The following ZNF169 variants were observed in gnomAD, a reference collection of about 807,000 sequenced individuals.
ZNF169 encodes zinc finger protein 169.
In ZNF169, 11 loss-of-function variants were observed where a neutral mutation model predicts 12.0. The ratio of observed to expected loss-of-function variants is 0.92; its 90% CI spans 0.58 to 1.52. ZNF169 has a LOEUF of 1.52. Ranked by LOEUF, ZNF169 falls within the 40% of genes most tolerant of loss-of-function variation. The pLI is 0.00. For missense variants in ZNF169, 722 were observed against 744.0 expected, an observed-to-expected ratio of 0.97 and a Z score of 0.34; for synonymous variants, 302 against 286.5, an observed-to-expected ratio of 1.05 and a Z score of -0.55.
At chr9:94,289,431 G>A (rs1037188548) in intron 2 of ZNF169, among the ~76,000 whole-genome samples, 2 of 151,998 alleles carry the variant, frequency 1.3e-5, no homozygotes, top group African/African-American at 2.4e-5. Flanking sequence ...CTGGTAAAAC[G>A]ATGACACCAG....
intron 1 of ZNF169, among the ~76,000 whole-genome samples, chr9:94,276,946 G>A (rs1303894314): frequency 2.6e-5 from 4 of 152,096 alleles, no homozygotes; most frequent in Non-Finnish European, 5.9e-5. Flanking sequence ...GATTTATTGT[G>A]AGCCAAATAT....
At chr9:94,284,557 A>G (rs1041689025) in intron 2 of ZNF169, among the ~76,000 whole-genome samples, 3 of 152,232 alleles carry the variant, frequency 2.0e-5, no homozygotes, top group African/African-American at 7.2e-5. Flanking sequence ...CCAAAGTTGC[A>G]GGATACAAAG....
At position 94,283,027 on chromosome 9, in the gene ZNF169, C is replaced by T. The variant is rs77019217; in HGVS notation, c.33+4182C>T. Among the ~76,000 whole-genome samples, 214 of 152,262 alleles carry T rather than the reference C, an allele frequency of 1.4e-3. 1 individual carries two copies. Among genetic ancestry groups the T allele is most frequent in the East Asian group, 6.6e-3 (34 of 5,182 alleles). ...CCAGCCCCTGGCAACCACTGATCTGCGTTTTTGTCCTATGGATTTACCTCT... is the reference window on the plus strand; with the variant it reads ...CCAGCCCCTGGCAACCACTGATCTGTGTTTTTGTCCTATGGATTTACCTCT... On this transcript the variant is annotated intron_variant, in intron 2 of 4. Transcript: ENST00000395395.
chr9:94,280,562 T>C (rs1971396), intron 2 of ZNF169, among the ~76,000 whole-genome samples: 86,329 of 151,986 alleles, frequency 0.57, 24,613 homozygotes, highest in Middle Eastern at 0.64. Flanking sequence ...AGAAACAGCA[T>C]TCAAACATAA....
At chr9:94,297,893 G>A (rs962870565) in intron 4 of ZNF169, among the ~76,000 whole-genome samples, 7 of 152,144 alleles carry the variant, frequency 4.6e-5, no homozygotes, top group African/African-American at 1.7e-4. Flanking sequence ...GGGGCTGGGC[G>A]CGGTGGCTCA....
At position 94,267,737 on chromosome 9, in the gene ZNF169, C is replaced by T. The variant is rs377745574; in HGVS notation, c.-56+8392C>T. Among the ~76,000 whole-genome samples, 17 of 152,256 alleles carry T rather than the reference C, an allele frequency of 1.1e-4. No individual in the cohort carries two copies. In the East Asian group the frequency reaches 1.7e-3, roughly 16 times the overall value. On this transcript the variant is annotated intron_variant, in intron 1 of 4. Transcript: ENST00000395395. ...TCCTGTTGTGCTTGATATTAATGAA[C>T]ATTTTAGCTCTTCACGAGTCCTGAA...
At chr9:94,289,228 A>G (rs770175026) in intron 2 of ZNF169, among the ~76,000 whole-genome samples, 1 of 151,350 alleles carries the variant, frequency 6.6e-6, no homozygotes, top group Admixed American at 6.6e-5. Flanking sequence ...GTAAGACCCC[A>G]TCTGTTAAAA....
In ZNF169 at chr9:94,301,242, C is replaced by G. The variant is rs201612360; in HGVS notation, c.1684C>G (p.Arg562Gly). Residue 562 changes from arginine (R) to glycine (G), a missense_variant, in exon 5 of 5, where the codon CGG (arginine) becomes GGG (glycine). Transcript: ENST00000395395. ...GFKSALIRHQ[R>G]THSGEKPYVC... ...TAAGTCTGCCCTCATCCGACATCAG[C>G]GGACCCATTCTGGGGAGAAGCCGTA... is the stretch of plus-strand genomic sequence containing the variant. The G allele has an allele frequency of 6.2e-6, 10 of 1,607,244 alleles. No individual in the cohort carries two copies. In the Admixed American group the frequency reaches 1.7e-4, roughly 27 times the overall value.
At chr9:94,288,013 A>T (rs3131906) in intron 2 of ZNF169, 2 of 787,590 alleles carry the variant, frequency 2.5e-6, no homozygotes, top group Non-Finnish European at 4.6e-6. Context: ...TTAGTGTGAA[A>T]CTGGAATTCA....
chr9:94,301,457 T>G lies in ZNF169; in HGVS notation c.*87T>G. 1 of 1,448,692 alleles carries G rather than the reference T, an allele frequency of 6.9e-7. No homozygotes were observed. Among genetic ancestry groups the G allele is most frequent in the Non-Finnish European group, 9.1e-7 (1 of 1,097,700 alleles). 89.7% of individuals were successfully genotyped at this position (1,448,692 alleles called of 1,614,324 possible). ...GAAATGGAATGGAAAAAAAAAAATGTTGCTTTCTTTCATCGATCATGAGAT... is the reference window on the plus strand; with the variant it reads ...GAAATGGAATGGAAAAAAAAAAATGGTGCTTTCTTTCATCGATCATGAGAT... On this transcript the variant is annotated 3_prime_UTR_variant, in exon 5 of 5. Transcript: ENST00000395395.
chr9:94,287,132 A>G (rs1830732714), intron 2 of ZNF169, among the ~76,000 whole-genome samples: 1 of 152,222 alleles, frequency 6.6e-6, no homozygotes, highest in African/African-American at 2.4e-5. Flanking sequence ...ATTTCTAGAT[A>G]AAAAAGAAAC....
intron 2 of ZNF169, chr9:94,288,187 G>T: frequency 1.2e-6 from 1 of 806,752 alleles, no homozygotes. Flanking sequence ...AGGTTAATGT[G>T]CTCCTACTTG....
Position 94,300,982 on chromosome 9 carries a change from G to A in ZNF169, c.1424G>A (p.Arg475Lys). 6.2e-7 allele frequency: 1 copy of A among 1,611,960 alleles called. No homozygotes were observed. The highest frequency in any genetic ancestry group is 8.5e-7 in the Non-Finnish European group (1 of 1,179,330). ...RGFGQKVTLI[R>K]HQRTHTGEKP... is the part of the protein sequence containing the mutation. Reference sequence around the variant, plus strand: ...TTTGGTCAGAAGGTCACCCTCATCAGACACCAGAGGACACACACAGGGGAG... The same window carrying A: ...TTTGGTCAGAAGGTCACCCTCATCAAACACCAGAGGACACACACAGGGGAG... The change falls in exon 5 of 5, where the codon AGA becomes AAA. Residue 475 changes from arginine to lysine, a missense_variant. Arg to Lys is a conservative substitution (Grantham distance 26). Coordinates refer to ENST00000395395, the MANE Select transcript of ZNF169 (RefSeq NM_194320.4).
intron 1 of ZNF169, among the ~76,000 whole-genome samples, chr9:94,265,021 G>GTTTTTTTTT (rs55756013): frequency 2.2e-5 from 2 of 90,656 alleles, no homozygotes; most frequent in Non-Finnish European, 2.0e-5. Context: ...TCTGTACCCT[G>GTTTTTTTTT]TTTTTTTTTT....
chr9:94,274,899 T>C (rs1452442489), intron 1 of ZNF169, among the ~76,000 whole-genome samples: 3 of 152,232 alleles, frequency 2.0e-5, no homozygotes, highest in Admixed American at 1.3e-4. Context: ...TTGCTGCTGC[T>C]GCCCAGCATT....
chr9:94,299,486 G>T (rs1337079363), intron 4 of ZNF169: 2 of 1,242,526 alleles, frequency 1.6e-6, no homozygotes, highest in Non-Finnish European at 2.0e-6. Context: ...TAAACAGCAG[G>T]CCGAACAAAT....
chr9:94,270,584 T>A (rs1564083152), intron 1 of ZNF169, among the ~76,000 whole-genome samples: 2 of 135,226 alleles, frequency 1.5e-5, no homozygotes. Flanking sequence ...TTTTTTCATA[T>A]ATATAAATAT....
intron 4 of ZNF169, among the ~76,000 whole-genome samples, chr9:94,298,871 C>G (rs1831001766): frequency 6.6e-6 from 1 of 152,096 alleles, no homozygotes; most frequent in African/African-American, 2.4e-5. Flanking sequence ...AATTGGCAGC[C>G]TATTTAAACC....
At chr9:94,271,578 G>A (rs941089582) in intron 1 of ZNF169, among the ~76,000 whole-genome samples, 2 of 151,842 alleles carry the variant, frequency 1.3e-5, no homozygotes, top group Non-Finnish European at 2.9e-5. Context: ...AAATTAGCTG[G>A]GCGTGGTGGT....
Sources: gnomAD v4.1 joint callset for allele counts (sites outside exome capture counted in the v4.1 genomes callset) on GRCh38, gnomAD v4.1.1 for gene constraint, MANE v1.5 for transcripts, NCBI Gene and HGNC (gene_info 2026-07-23, HGNC 2026-07-21) for gene names.